ANK2: variants seen among roughly 807,000 people sequenced by gnomAD.
ANK2 encodes the protein ankyrin-2.
A neutral mutation model predicts 360.5 loss-of-function variants in ANK2; 83 were observed. That is an observed-to-expected ratio of 0.23 (90% confidence interval 0.19 to 0.28). ANK2 has a LOEUF of 0.28. Ranked by LOEUF, ANK2 falls within the 10% of genes least tolerant of loss-of-function variation. The probability of loss-of-function intolerance (pLI) is 1.00; values close to 1 mark genes in which losing one functional copy is unlikely to be tolerated. For missense variants in ANK2, 4,201 were observed against 4,795.7 expected (o/e 0.88, Z 3.66); for synonymous variants, 1,740 against 1,759.5 (o/e 0.99, Z 0.28).
intron 15 of ANK2, among the ~76,000 whole-genome samples, chr4:113,275,408 A>G (rs534424810): frequency 1.3e-5 from 2 of 152,354 alleles, no homozygotes; most frequent in South Asian, 2.1e-4. Flanking sequence ...TGAATTTGTC[A>G]TGGGGCAAAA....
At chr4:112,847,285 A>G (rs1176949933) in intron 1 of ANK2, among the ~76,000 whole-genome samples, 1 of 152,168 alleles carries the variant, frequency 6.6e-6, no homozygotes, top group African/African-American at 2.4e-5. Flanking sequence ...GTCGTTTTCT[A>G]CTAAGTTTGC....
intron 1 of ANK2, among the ~76,000 whole-genome samples, chr4:113,091,983 A>T (rs915174757): frequency 6.6e-6 from 1 of 152,240 alleles, no homozygotes; most frequent in Non-Finnish European, 1.5e-5. Context: ...AAGGATTTAT[A>T]GTCATATGTA....
At chr4:112,979,168 TG>T (rs2042324519) in intron 2 of ANK2, among the ~76,000 whole-genome samples, 1 of 152,192 alleles carries the variant, frequency 6.6e-6, no homozygotes, top group Non-Finnish European at 1.5e-5. Context: ...ATCCCATATC[TG>T]CCAAGGGCGA....
At chr4:113,102,122 G>A (rs72910257) in intron 1 of ANK2, among the ~76,000 whole-genome samples, 7,321 of 152,164 alleles carry the variant, frequency 0.048, 240 homozygotes, top group African/African-American at 0.084. Flanking sequence ...AATGGTGGAG[G>A]GATGGAGTAG....
chr4:112,897,068 A>G (rs2081988459), intron 1 of ANK2, among the ~76,000 whole-genome samples: 2 of 152,006 alleles, frequency 1.3e-5, no homozygotes, highest in African/African-American at 4.8e-5. Flanking sequence ...GACAAGTCAT[A>G]TTTCTCTTAC....
intron 2 of ANK2, among the ~76,000 whole-genome samples, chr4:112,907,933 G>T (rs1178311502): frequency 2.0e-5 from 3 of 152,100 alleles, no homozygotes; most frequent in Non-Finnish European, 4.4e-5. Context: ...ATCCTCAAAG[G>T]ATAGACATAT....
At chr4:112,786,412 T>TTTG in the ANK2 span, among the ~76,000 whole-genome samples, 1 of 151,282 alleles carries the variant, frequency 6.6e-6, no homozygotes, top group Non-Finnish European at 1.5e-5. Flanking sequence ...TTTTTTTTTT[T>TTTG]TCTGAGATGG....
At chr4:113,160,003 T>C (rs374005436) in intron 1 of ANK2, among the ~76,000 whole-genome samples, 1 of 152,308 alleles carries the variant, frequency 6.6e-6, no homozygotes. Flanking sequence ...CTGTATTTAA[T>C]TTATTTAGTA....
intron 5 of ANK2, 88 bp downstream of exon 5, chr4:113,232,347 G>C (rs2099318491): frequency 3.0e-6 from 3 of 1,001,550 alleles, no homozygotes; most frequent in Non-Finnish European, 1.6e-6. Context: ...CCATTACTTT[G>C]TCTAAAATAT....
chr4:113,374,759 A>C, intron 45 of ANK2: 1 of 1,084,272 alleles, frequency 9.2e-7, no homozygotes, highest in Non-Finnish European at 1.1e-6. Flanking sequence ...TCCTTCGATC[A>C]TTAGGTCACT....
chr4:113,271,479 G>GACACACACAC (rs3059950), intron 14 of ANK2, among the ~76,000 whole-genome samples: 2,796 of 150,368 alleles, frequency 0.019, 47 homozygotes, highest in Non-Finnish European at 0.023. Flanking sequence ...TGCACGCACA[G>GACACACACAC]ACACACACAC....
chr4:112,858,047 A>G (rs182155453), intron 1 of ANK2, among the ~76,000 whole-genome samples: 2 of 152,120 alleles, frequency 1.3e-5, no homozygotes, highest in African/African-American at 4.8e-5. Flanking sequence ...CAAAACATAT[A>G]TATATGTTCT....
At chr4:113,250,765 C>CCG (rs2045902804) in intron 10 of ANK2, among the ~76,000 whole-genome samples, 1 of 141,546 alleles carries the variant, frequency 7.1e-6, no homozygotes, top group Non-Finnish European at 1.6e-5. Flanking sequence ...GCCCCCCCCC[C>CCG]CGACAGAGTT....
intron 1 of ANK2, among the ~76,000 whole-genome samples, chr4:113,070,935 C>T (rs745609048): frequency 4.6e-5 from 7 of 150,924 alleles, no homozygotes; most frequent in Non-Finnish European, 8.8e-5. Flanking sequence ...CCTTAGTATC[C>T]ATCATAACAT....
chr4:113,093,006 C>T (rs1026192716), intron 1 of ANK2, among the ~76,000 whole-genome samples: 6 of 152,160 alleles, frequency 3.9e-5, no homozygotes, highest in African/African-American at 1.4e-4. Flanking sequence ...ACAGACTAAA[C>T]TCTAGTCCCA....
At chr4:112,775,472 T>C in the ANK2 span, among the ~76,000 whole-genome samples, 1 of 136,850 alleles carries the variant, frequency 7.3e-6, no homozygotes, top group Non-Finnish European at 1.6e-5. Context: ...TGAGCCGAGA[T>C]TGGGCCGCCG....
At chr4:112,934,625 C>T (rs60365916) in intron 2 of ANK2, among the ~76,000 whole-genome samples, 5,380 of 152,242 alleles carry the variant, frequency 0.035, 154 homozygotes, top group African/African-American at 0.068. Context: ...TTGTTAAACA[C>T]ATGGTTACAG....
intron 1 of ANK2, among the ~76,000 whole-genome samples, chr4:113,058,347 C>A (rs1052882182): frequency 8.6e-5 from 13 of 151,922 alleles, no homozygotes; most frequent in African/African-American, 2.7e-4. Context: ...TAAGTGGTAC[C>A]TTTTTATAAG....
rs191682147 is a variant in ANK2 at position 113,166,763 on chromosome 4, A to G, written c.85-7653A>G. 2.6e-5 allele frequency among the ~76,000 whole-genome samples: 4 copies of G among 152,232 alleles called. No individual in the cohort carries two copies. In the East Asian group the frequency reaches 5.8e-4, roughly 22 times the overall value. On this transcript the variant is annotated intron_variant, in intron 1 of 45. Coordinates refer to ENST00000357077, the MANE Select transcript of ANK2 (RefSeq NM_001148.6). ...GTCTCTGATAACTTACTTCACTTAT[A>G]TTTATCCCGGAAAATTTAACAACTG...
Sources: allele counts gnomAD v4.1 joint callset (sites outside exome capture counted in the v4.1 genomes callset), GRCh38; gene constraint gnomAD v4.1.1; transcripts MANE v1.5; gene names NCBI Gene and HGNC (gene_info 2026-07-23, HGNC 2026-07-21).